The following CDC73 variants were observed in gnomAD, a reference collection of about 807,000 sequenced individuals.
CDC73 encodes parafibromin.
Under a neutral mutation model 83.7 loss-of-function variants are expected in CDC73, and 21 were observed. That is an observed-to-expected ratio of 0.25 (90% CI 0.18 to 0.36). The LOEUF (loss-of-function observed/expected upper bound fraction) is 0.36. Among genes scored for constraint, CDC73 ranks in the 10% least tolerant of loss-of-function variants. CDC73 has a pLI of 1.00. For synonymous variants in CDC73, 224 were observed against 212.9 expected (o/e 1.05, Z -0.45); for missense variants, 342 against 653.3 (o/e 0.52, Z 5.19).
At chr1:193,165,153 A>C (rs1676414129) in intron 10 of CDC73, among the ~76,000 whole-genome samples, 1 of 152,124 alleles carries the variant, frequency 6.6e-6, no homozygotes, top group Admixed American at 6.5e-5. Flanking sequence ...AGTACCTGAG[A>C]TTGCAGGTGT....
chr1:193,193,824 T>TGTGG (rs1553286099), intron 10 of CDC73, among the ~76,000 whole-genome samples: 5 of 143,420 alleles, frequency 3.5e-5, no homozygotes, highest in African/African-American at 7.6e-5. Flanking sequence ...TGTGTGTGTG[T>TGTGG]GTGTGTTGTG....
chr1:193,205,666 T>C (rs1677176634), intron 11 of CDC73, among the ~76,000 whole-genome samples: 1 of 152,136 alleles, frequency 6.6e-6, no homozygotes, highest in Non-Finnish European at 1.5e-5. Flanking sequence ...ATGACTAATT[T>C]TCAGTAGGGA....
rs1676522124 is a variant in CDC73 at position 193,171,834 on chromosome 1, T to G, written c.972+19390T>G. Among the ~76,000 whole-genome samples the G allele has an allele frequency of 1.3e-5, 2 of 152,138 alleles. 1 individual carries two copies. Among genetic ancestry groups the G allele is most frequent in the South Asian group, 4.1e-4 (2 of 4,832 alleles). ...TTGTTCTGCATACCACCACACTCAA[T>G]CAATATTTTTTAATAAATGAAAAAA... On this transcript the variant is annotated intron_variant, in intron 10 of 16. Transcript: ENST00000367435.
rs374856513 is a variant in CDC73 at position 193,233,022 on chromosome 1, A to G, written c.1184A>G (p.Gln395Arg). 7 of 1,613,890 alleles carry G rather than the reference A, an allele frequency of 4.3e-6. No individual in the cohort carries two copies. Among genetic ancestry groups the G allele is most frequent in the Non-Finnish European group, 5.9e-6 (7 of 1,179,842 alleles). ...KFVPSDEKKK[Q>R]GCQRENETLI... ...GTCCCATCAGATGAAAAGAAGAAAC[A>G]AGGTTGTCAACGAGAAAATGAAACT... Residue 395 changes from glutamine (Q) to arginine (R), a missense_variant, in exon 14 of 17, where the codon CAA becomes CGA. Around this residue, in one of 3 missense-constraint regions of CDC73, gnomAD observed 239 missense variants for 420.6 expected, o/e 0.57. Transcript: ENST00000367435.
Position 193,123,266 on chromosome 1 carries a change from C to T in CDC73, c.131+935C>T, listed in dbSNP as rs373705868. On this transcript the variant is annotated intron_variant, in intron 1 of 16. Transcript: ENST00000367435. The stretch of plus-strand genomic sequence containing the variant: ...TTTTTGAGAGGGAGTCTTGCTCTGT[C>T]GCCCAGGCTGGAGTGCAGTGGCGCG... Among the ~76,000 whole-genome samples the T allele has an allele frequency of 6.6e-4, 101 of 152,296 alleles. 1 individual carries two copies. In the South Asian group the frequency reaches 0.021, roughly 31 times the overall value.
chr1:193,227,911 A>G (rs1677592018), intron 13 of CDC73, among the ~76,000 whole-genome samples: 1 of 152,182 alleles, frequency 6.6e-6, no homozygotes, highest in African/African-American at 2.4e-5. Flanking sequence ...TGATAGGCTT[A>G]AATTTTGCCC....
At chr1:193,136,547 G>A (rs756839930) in intron 5 of CDC73, 2 of 258,190 alleles carry the variant, frequency 7.7e-6, no homozygotes, top group East Asian at 1.1e-4. Flanking sequence ...AACTCATTAA[G>A]TTGGTAGTAC....
intron 9 of CDC73, among the ~76,000 whole-genome samples, chr1:193,152,077 A>G (rs979957470): frequency 9.2e-5 from 14 of 152,172 alleles, no homozygotes; most frequent in African/African-American, 2.9e-4. Context: ...TATTAGTAGT[A>G]AGTAATTTGG....
At chr1:193,158,539 T>C (rs919776753) in intron 10 of CDC73, among the ~76,000 whole-genome samples, 1 of 152,116 alleles carries the variant, frequency 6.6e-6, no homozygotes, top group Non-Finnish European at 1.5e-5. Flanking sequence ...CTGAAAATTA[T>C]ATAAAGTGTT....
At chr1:193,213,168 A>G (rs1055056131) in intron 13 of CDC73, among the ~76,000 whole-genome samples, 1 of 152,196 alleles carries the variant, frequency 6.6e-6, no homozygotes, top group Non-Finnish European at 1.5e-5. Flanking sequence ...ACTTTTAAAT[A>G]TTGTGACTAT....
At chr1:193,167,987 AG>A (rs1483672387) in intron 10 of CDC73, among the ~76,000 whole-genome samples, 1 of 152,018 alleles carries the variant, frequency 6.6e-6, no homozygotes, top group Non-Finnish European at 1.5e-5. Context: ...CAGCCTCCTG[AG>A]TAGCTGGGAT....
chr1:193,217,729 T>C (rs1465702958), intron 13 of CDC73, among the ~76,000 whole-genome samples: 2 of 152,034 alleles, frequency 1.3e-5, no homozygotes, highest in Non-Finnish European at 2.9e-5. Context: ...TCTTGGAAAA[T>C]GGAACATTTG....
chr1:193,207,530 C>G (rs921242445), intron 11 of CDC73, among the ~76,000 whole-genome samples: 4 of 152,110 alleles, frequency 2.6e-5, no homozygotes, highest in Admixed American at 6.5e-5. Flanking sequence ...GACCTCCCCC[C>G]AGAAATGCAT....
intron 11 of CDC73, among the ~76,000 whole-genome samples, chr1:193,206,972 A>G (rs1677198516): frequency 6.6e-6 from 1 of 152,216 alleles, no homozygotes; most frequent in Non-Finnish European, 1.5e-5. Context: ...TTTCCAGTGG[A>G]TTCATAAATA....
chr1:193,237,853 A>G (rs1435452492), intron 15 of CDC73, among the ~76,000 whole-genome samples: 2 of 152,254 alleles, frequency 1.3e-5, no homozygotes, highest in African/African-American at 4.8e-5. Flanking sequence ...CAGGATCTGC[A>G]GGTTGGGCCC....
In CDC73 at chr1:193,137,322, C is replaced by T. The variant is rs80144960; in HGVS notation, c.424-763C>T. ...TAATAGGACATGAATTGGAGCCCAACATCTTTTTGGATCTCTAGAGTATGC... is the reference window on the plus strand; with the variant it reads ...TAATAGGACATGAATTGGAGCCCAATATCTTTTTGGATCTCTAGAGTATGC... On this transcript the variant is annotated intron_variant, in intron 5 of 16. Transcript: ENST00000367435. Among the ~76,000 whole-genome samples the T allele has an allele frequency of 5.9e-3, 897 of 152,336 alleles. 28 individuals are homozygous for T. The East Asian group carries it at 0.12, about 20-fold the overall frequency.
chr1:193,178,317 A>G (rs920929084), intron 10 of CDC73, among the ~76,000 whole-genome samples: 1 of 152,152 alleles, frequency 6.6e-6, no homozygotes, highest in Non-Finnish European at 1.5e-5. Flanking sequence ...GATTTTATAA[A>G]TTTTATAGAT....
intron 10 of CDC73, among the ~76,000 whole-genome samples, chr1:193,153,688 T>G (rs1264739974): frequency 6.6e-6 from 1 of 152,212 alleles, no homozygotes; most frequent in African/African-American, 2.4e-5. Context: ...AATATACTTG[T>G]TTTTAAATTG....
intron 3 of CDC73, among the ~76,000 whole-genome samples, chr1:193,132,354 T>A (rs1675710593): frequency 6.6e-6 from 1 of 152,248 alleles, no homozygotes; most frequent in South Asian, 2.1e-4. Flanking sequence ...AATCCCTGTC[T>A]TAAACATGTA....
Sources: gnomAD v4.1 joint callset for allele counts (sites outside exome capture counted in the v4.1 genomes callset) on GRCh38, gnomAD v4.1.1 for gene constraint, gnomAD v4.1.1 regional missense constraint, MANE v1.5 for transcripts, NCBI Gene and HGNC (gene_info 2026-07-23, HGNC 2026-07-21) for gene names.